Variants in RORA observed in about 807,000 individuals in gnomAD.
The protein encoded by RORA is RAR related orphan receptor A, also known as nuclear receptor ROR-alpha.
Under a neutral mutation model 69.5 loss-of-function variants are expected in RORA, and 7 were observed. That is an observed-to-expected ratio of 0.10 (90% CI 0.06 to 0.19). The LOEUF is 0.19. Among genes scored for constraint, RORA ranks in the 10% least tolerant of loss-of-function variants. RORA has a pLI of 1.00. For missense variants in RORA, 457 were observed against 663.0 expected (o/e 0.69, Z 3.41); for synonymous variants, 261 against 240.8 (o/e 1.08, Z -0.78).
intron 1 of RORA, among the ~76,000 whole-genome samples, chr15:61,175,360 A>G (rs1305606031): frequency 6.6e-6 from 1 of 151,798 alleles, no homozygotes; most frequent in Non-Finnish European, 1.5e-5. Flanking sequence ...ATGAGATTTT[A>G]CAAAACACAA....
chr15:60,968,922 T>A (rs1279084705), intron 1 of RORA, among the ~76,000 whole-genome samples: 1 of 152,236 alleles, frequency 6.6e-6, no homozygotes, highest in East Asian at 1.9e-4. Flanking sequence ...CTCTTCTTCC[T>A]CAATCTGAAA....
At chr15:60,820,107 T>G (rs1301494890) in intron 1 of RORA, among the ~76,000 whole-genome samples, 1 of 152,228 alleles carries the variant, frequency 6.6e-6, no homozygotes, top group Non-Finnish European at 1.5e-5. Context: ...CTGCTATCTT[T>G]GATTGGGAAA....
intron 1 of RORA, among the ~76,000 whole-genome samples, chr15:60,834,714 T>G (rs1267380678): frequency 6.6e-6 from 1 of 152,120 alleles, no homozygotes; most frequent in Non-Finnish European, 1.5e-5. Context: ...CCTACTTCCA[T>G]CCCCCGATGA....
At chr15:60,836,821 A>C (rs1387922875) in intron 1 of RORA, among the ~76,000 whole-genome samples, 1 of 151,804 alleles carries the variant, frequency 6.6e-6, no homozygotes, top group Non-Finnish European at 1.5e-5. Context: ...AATATCCTCC[A>C]ATCAGCTCCC....
intron 1 of RORA, among the ~76,000 whole-genome samples, chr15:61,203,475 C>T (rs2079912838): frequency 6.6e-6 from 1 of 152,076 alleles, no homozygotes. Context: ...GCAGTTTAAA[C>T]AGCAGAGTAG....
chr15:60,903,227 A>T (rs1277122435), intron 1 of RORA, among the ~76,000 whole-genome samples: 6 of 152,120 alleles, frequency 3.9e-5, no homozygotes, highest in Non-Finnish European at 7.4e-5. Context: ...GGAGGGGATG[A>T]TGTAGGTGAG....
intron 2 of RORA, among the ~76,000 whole-genome samples, chr15:60,546,683 C>T (rs1441218451): frequency 6.6e-6 from 1 of 152,138 alleles, no homozygotes; most frequent in East Asian, 1.9e-4. Flanking sequence ...CATCCAATTC[C>T]CCAGCACACC....
chr15:60,619,745 C>T (rs993218504), intron 2 of RORA, among the ~76,000 whole-genome samples: 13 of 152,234 alleles, frequency 8.5e-5, no homozygotes, highest in African/African-American at 3.1e-4. Context: ...ATCTTGACCA[C>T]TTCACTGTGG....
At chr15:60,533,019 T>G (rs926171396) in intron 2 of RORA, among the ~76,000 whole-genome samples, 1 of 152,220 alleles carries the variant, frequency 6.6e-6, no homozygotes, top group African/African-American at 2.4e-5. Context: ...CAGCCCACTC[T>G]TTCTTCTAAT....
intron 1 of RORA, among the ~76,000 whole-genome samples, chr15:60,816,995 TA>T (rs1195749233): frequency 6.6e-6 from 1 of 152,216 alleles, no homozygotes; most frequent in African/African-American, 2.4e-5. Flanking sequence ...TTTCTACCCT[TA>T]AAAAAGTTTT....
intron 1 of RORA, among the ~76,000 whole-genome samples, chr15:60,853,321 A>C (rs2073345740): frequency 6.6e-6 from 1 of 152,200 alleles, no homozygotes; most frequent in South Asian, 2.1e-4. Flanking sequence ...TAAGGTCTCA[A>C]AATGACTGTT....
intron 1 of RORA, among the ~76,000 whole-genome samples, chr15:60,759,825 T>C (rs1180443155): frequency 6.6e-6 from 1 of 152,188 alleles, no homozygotes; most frequent in African/African-American, 2.4e-5. Flanking sequence ...GAAAGAAATA[T>C]TTAACCATCT....
intron 1 of RORA, among the ~76,000 whole-genome samples, chr15:61,016,104 G>A (rs1263649616): frequency 6.6e-6 from 1 of 152,176 alleles, no homozygotes; most frequent in African/African-American, 2.4e-5. Context: ...CATTAGCTGG[G>A]CTCCAGTTTC....
At chr15:60,835,219 C>T (rs755438725) in intron 1 of RORA, among the ~76,000 whole-genome samples, 11 of 152,198 alleles carry the variant, frequency 7.2e-5, no homozygotes, top group Non-Finnish European at 1.5e-4. Context: ...ACACAAATTG[C>T]TCTGATCAAA....
At chr15:60,575,636 T>C (rs978911381) in intron 2 of RORA, among the ~76,000 whole-genome samples, 1 of 152,180 alleles carries the variant, frequency 6.6e-6, no homozygotes, top group Non-Finnish European at 1.5e-5. Flanking sequence ...AATGTAAGCT[T>C]TATGAATTTT....
intron 1 of RORA, among the ~76,000 whole-genome samples, chr15:60,995,374 G>C (rs4366665): frequency 0.42 from 63,509 of 151,996 alleles, 14,769 homozygotes; most frequent in African/African-American, 0.62. Flanking sequence ...TTCTCGGCCA[G>C]CGCGAGGCCT....
At chr15:60,890,015 T>C (rs530677943) in intron 1 of RORA, among the ~76,000 whole-genome samples, 1 of 152,350 alleles carries the variant, frequency 6.6e-6, no homozygotes, top group East Asian at 1.9e-4. Flanking sequence ...CATGTATTCA[T>C]GTACTCTGGA....
chr15:60,586,384 T>G (rs1483046903), intron 2 of RORA, among the ~76,000 whole-genome samples: 1 of 152,004 alleles, frequency 6.6e-6, no homozygotes, highest in Non-Finnish European at 1.5e-5. Flanking sequence ...CTGACCAAGA[T>G]TGTGGGAAGG....
At chr15:60,812,979 T>A (rs552130200) in intron 1 of RORA, among the ~76,000 whole-genome samples, 9 of 152,234 alleles carry the variant, frequency 5.9e-5, no homozygotes, top group African/African-American at 2.2e-4. Context: ...GGCTGTGCCC[T>A]ATGATAACAA....
Sources: allele counts gnomAD v4.1 joint callset (sites outside exome capture counted in the v4.1 genomes callset), GRCh38; gene constraint gnomAD v4.1.1; transcripts MANE v1.5; gene names NCBI Gene and HGNC (gene_info 2026-07-23, HGNC 2026-07-21).